Variants in KCNU1 observed in about 807,000 individuals in gnomAD.
KCNU1 encodes the protein potassium channel subfamily U member 1.
KCNU1 carries 93 observed loss-of-function variants against 126.8 expected under a neutral mutation model. The ratio of observed to expected loss-of-function variants is 0.73; its 90% CI spans 0.62 to 0.87. The LOEUF (loss-of-function observed/expected upper bound fraction) is 0.87, where lower values mean the gene tolerates loss of function less well. Ranked by LOEUF, KCNU1 falls within the 40% of genes least tolerant of loss-of-function variation. The pLI, the probability that KCNU1 is intolerant of heterozygous loss-of-function variation, is 0.00. For missense variants in KCNU1, 1,330 were observed against 1,367.1 expected, an observed-to-expected ratio of 0.97 and a Z score of 0.43; for synonymous variants, 523 against 494.2, an observed-to-expected ratio of 1.06 and a Z score of -0.77.
chr8:36,924,647 A>G (rs910016452), intron 24 of KCNU1, among the ~76,000 whole-genome samples: 4 of 152,158 alleles, frequency 2.6e-5, no homozygotes, highest in African/African-American at 9.7e-5. Context: ...TACTTTTCTG[A>G]GAAGGTGGCT....
intron 2 of KCNU1, among the ~76,000 whole-genome samples, chr8:36,794,707 G>A (rs566045212): frequency 6.6e-6 from 1 of 152,136 alleles, no homozygotes; most frequent in South Asian, 2.1e-4. Context: ...AGAATCACTT[G>A]AGTCCAGGAG....
At chr8:36,849,050 T>C (rs1018310814) in intron 18 of KCNU1, among the ~76,000 whole-genome samples, 1 of 152,118 alleles carries the variant, frequency 6.6e-6, no homozygotes, top group African/African-American at 2.4e-5. Flanking sequence ...TAGTCATCAC[T>C]ACAATCAATT....
In KCNU1 at chr8:36,909,384, C is replaced by T. The variant is rs750759618; in HGVS notation, c.2180C>T (p.Ala727Val). The change falls in exon 21 of 27, where the codon GCC (alanine) becomes GTC (valine). Residue 727 changes from alanine to valine, a missense_variant. Physicochemically the swap from Ala to Val is moderately conservative, Grantham distance 64 (BLOSUM62 0). Coordinates refer to ENST00000399881, the MANE Select transcript of KCNU1 (RefSeq NM_001031836.3). ...TGTGTATTTGGAGATGCCCACTCAG[C>T]CCCGATGGGGCTTCGGAACTTTGTA... ...VACVFGDAHSAPMGLRNFVMP... is the reference protein window; with the variant it reads ...VACVFGDAHSVPMGLRNFVMP... 6.2e-7 allele frequency: 1 copy of T among 1,613,384 alleles called. No homozygotes were observed. The highest frequency in any genetic ancestry group is 8.5e-7 in the Non-Finnish European group (1 of 1,179,370).
At chr8:36,787,950 T>C (rs1417412387) in intron 2 of KCNU1, among the ~76,000 whole-genome samples, 1 of 151,166 alleles carries the variant, frequency 6.6e-6, no homozygotes, top group Non-Finnish European at 1.5e-5. Flanking sequence ...GAAAGCTTTG[T>C]TAGGGCAATA....
chr8:36,923,746 C>T (rs1279216492), intron 24 of KCNU1, among the ~76,000 whole-genome samples: 2 of 152,178 alleles, frequency 1.3e-5, no homozygotes, highest in Admixed American at 1.3e-4. Context: ...GGAGCTGGAA[C>T]TCACAGTCTT....
At chr8:36,886,612 A>G (rs1035599734) in intron 19 of KCNU1, among the ~76,000 whole-genome samples, 9 of 152,198 alleles carry the variant, frequency 5.9e-5, no homozygotes, top group Admixed American at 2.0e-4. Context: ...TATGCATGCA[A>G]CATAAGACCC....
chr8:36,909,652 T>C, intron 21 of KCNU1, 117 bp downstream of exon 21: 1 of 652,654 alleles, frequency 1.5e-6, no homozygotes, highest in Non-Finnish European at 2.6e-6. Flanking sequence ...GAAACTGTTC[T>C]AAATATTTTA....
intron 10 of KCNU1, among the ~76,000 whole-genome samples, chr8:36,828,453 A>T (rs1161176310): frequency 6.6e-6 from 1 of 152,110 alleles, no homozygotes; most frequent in African/African-American, 2.4e-5. Flanking sequence ...TATTACCTCT[A>T]TATTCACATC....
chr8:36,935,928 C>G lies in KCNU1; in HGVS notation c.*8C>G. 1 of 1,542,800 alleles carries G rather than the reference C, an allele frequency of 6.5e-7. No homozygotes were observed. ...TATTCAGAGCCACTATAGACCTGCC[C>G]ATATTCTTCACGTGCTCTTAACTTG... is the stretch of plus-strand genomic sequence containing the variant. On this transcript the variant is annotated 3_prime_UTR_variant, in exon 27 of 27. Transcript: ENST00000399881.
chr8:36,868,976 G>C (rs1231645133), intron 19 of KCNU1, among the ~76,000 whole-genome samples: 1 of 151,996 alleles, frequency 6.6e-6, no homozygotes, highest in Non-Finnish European at 1.5e-5. Flanking sequence ...TCCACTTTGG[G>C]TGAGTTACGA....
chr8:36,804,099 T>C lies in KCNU1; in HGVS notation c.377+11T>C, dbSNP rs1160496823. 2 of 1,530,418 alleles carry C rather than the reference T, an allele frequency of 1.3e-6. No individual in the cohort carries two copies. Among genetic ancestry groups the C allele is most frequent in the Admixed American group, 1.9e-5 (1 of 51,456 alleles). 94.8% of individuals were successfully genotyped at this position (1,530,418 alleles called of 1,614,324 possible). On this transcript the variant is annotated intron_variant, in intron 3 of 26. Coordinates refer to ENST00000399881, the MANE Select transcript of KCNU1 (RefSeq NM_001031836.3). ...CATCAATTCTGCTGAGTGAGTACAATGTCCAGTCACACTTGTCTGCTATAT... is the reference window on the plus strand; with the variant it reads ...CATCAATTCTGCTGAGTGAGTACAACGTCCAGTCACACTTGTCTGCTATAT...
At chr8:36,856,252 T>C (rs910287542) in intron 18 of KCNU1, among the ~76,000 whole-genome samples, 24 of 152,220 alleles carry the variant, frequency 1.6e-4, no homozygotes, top group Non-Finnish European at 8.8e-5. Context: ...TTCTGCTAAC[T>C]CTGACATGGA....
rs558252038 is a variant in KCNU1 at position 36,927,564 on chromosome 8, T to C, written c.2737-3387T>C. 2.0e-5 allele frequency among the ~76,000 whole-genome samples: 3 copies of C among 152,288 alleles called. 1 individual carries two copies. Among genetic ancestry groups the C allele is most frequent in the African/African-American group, 7.2e-5 (3 of 41,590 alleles). The stretch of plus-strand genomic sequence containing the variant: ...TTCTTAGGGTCACTTGGCTTGTTAG[T>C]TGCAGTTTTCCTACCCTATAATCTC... On this transcript the variant is annotated intron_variant, in intron 24 of 26. Transcript: ENST00000399881.
chr8:36,867,549 A>G (rs1805955771), intron 19 of KCNU1, among the ~76,000 whole-genome samples: 1 of 152,180 alleles, frequency 6.6e-6, no homozygotes, highest in South Asian at 2.1e-4. Context: ...TGAAGACATA[A>G]AGACAACATA....
chr8:36,926,947 C>A (rs979067974), intron 24 of KCNU1, among the ~76,000 whole-genome samples: 7 of 152,174 alleles, frequency 4.6e-5, no homozygotes, highest in African/African-American at 1.7e-4. Context: ...ATGAGAACAC[C>A]AGCCATTACT....
intron 18 of KCNU1, among the ~76,000 whole-genome samples, chr8:36,860,433 G>C (rs1805687524): frequency 6.6e-6 from 1 of 152,116 alleles, no homozygotes; most frequent in Non-Finnish European, 1.5e-5. Context: ...TAAGCCTTCA[G>C]AGTAGGAGGA....
intron 7 of KCNU1, among the ~76,000 whole-genome samples, chr8:36,811,369 A>G (rs1240770325): frequency 6.6e-6 from 1 of 152,100 alleles, no homozygotes; most frequent in Non-Finnish European, 1.5e-5. Context: ...AAGATAATCC[A>G]AGCAGAACAA....
Position 36,914,530 on chromosome 8 carries a change from C to T in KCNU1, c.2521+3411C>T, listed in dbSNP as rs369409177. The stretch of plus-strand genomic sequence containing the variant: ...TTTGTAGTAATGATAAACATAAATG[C>T]GAAGCCAAGCTAGGACCATCAAGGC... On this transcript the variant is annotated intron_variant, in intron 22 of 26. Coordinates refer to ENST00000399881, the MANE Select transcript of KCNU1 (RefSeq NM_001031836.3). Among the ~76,000 whole-genome samples, 4 of 152,138 alleles carry T rather than the reference C, an allele frequency of 2.6e-5. No individual in the cohort carries two copies. The South Asian group carries it at 6.2e-4, about 24-fold the overall frequency.
intron 19 of KCNU1, among the ~76,000 whole-genome samples, chr8:36,902,759 T>C (rs1164724911): frequency 6.6e-6 from 1 of 152,128 alleles, no homozygotes; most frequent in Non-Finnish European, 1.5e-5. Flanking sequence ...TGCTTGCTGG[T>C]GAGTCCCATT....
Sources: allele counts gnomAD v4.1 joint callset (sites outside exome capture counted in the v4.1 genomes callset), GRCh38; gene constraint gnomAD v4.1.1; transcripts MANE v1.5; gene names NCBI Gene and HGNC (gene_info 2026-07-23, HGNC 2026-07-21).